Variants in INPP5B observed in about 807,000 individuals in gnomAD.
The protein encoded by INPP5B is inositol polyphosphate-5-phosphatase B, also known as type II inositol 1,4,5-trisphosphate 5-phosphatase.
INPP5B carries 90 observed loss-of-function variants against 118.5 expected under a neutral mutation model. That is an observed-to-expected ratio of 0.76 (90% CI 0.64 to 0.90). INPP5B has a LOEUF of 0.90. Ranked by LOEUF, INPP5B falls within the 40% of genes least tolerant of loss-of-function variation. The pLI is 0.00. For missense variants in INPP5B, 984 were observed against 1,125.6 expected, an observed-to-expected ratio of 0.87 and a Z score of 1.80; for synonymous variants, 385 against 418.9, an observed-to-expected ratio of 0.92 and a Z score of 0.99.
chr1:37,879,467 G>T, intron 15 of INPP5B, among the ~76,000 whole-genome samples: 1 of 151,746 alleles, frequency 6.6e-6, no homozygotes, highest in East Asian at 1.9e-4. Context: ...AAATAACAAG[G>T]GCATCAAATA....
At chr1:37,913,430 T>C (rs1161304703) in intron 7 of INPP5B, among the ~76,000 whole-genome samples, 1 of 152,152 alleles carries the variant, frequency 6.6e-6, no homozygotes, top group Non-Finnish European at 1.5e-5. Context: ...TCTAATTGGA[T>C]ATCCTGGGTC....
intron 14 of INPP5B, 73 bp downstream of exon 14, chr1:37,882,734 T>C: frequency 2.5e-6 from 3 of 1,187,782 alleles, no homozygotes; most frequent in Non-Finnish European, 3.7e-6. Flanking sequence ...GCTGCGAGTT[T>C]GGAAGCCAGG....
At chr1:37,944,485 A>G (rs1218552324) in intron 3 of INPP5B, among the ~76,000 whole-genome samples, 1 of 152,170 alleles carries the variant, frequency 6.6e-6, no homozygotes, top group Non-Finnish European at 1.5e-5. Flanking sequence ...CTTGAACTCA[A>G]GCAGTCCTCC....
chr1:37,946,385 G>A, intron 1 of INPP5B, 51 bp from the exon 2 acceptor site: 1 of 1,417,382 alleles, frequency 7.1e-7, no homozygotes, highest in South Asian at 1.2e-5. Context: ...TTACGCATGG[G>A]GTGGTGGAGC....
At chr1:37,903,406 C>G (rs1297604750) in intron 7 of INPP5B, among the ~76,000 whole-genome samples, 2 of 152,084 alleles carry the variant, frequency 1.3e-5, no homozygotes, top group Non-Finnish European at 2.9e-5. Flanking sequence ...ATAATCTACC[C>G]CTCGTTTAGC....
At chr1:37,945,116 A>G (rs1244109798) in intron 3 of INPP5B, among the ~76,000 whole-genome samples, 1 of 151,852 alleles carries the variant, frequency 6.6e-6, no homozygotes, top group Non-Finnish European at 1.5e-5. Flanking sequence ...GGTGACAGAA[A>G]GAGACCCCGT....
At chr1:37,900,381 A>T (rs1003429802) in intron 7 of INPP5B, among the ~76,000 whole-genome samples, 8 of 150,804 alleles carry the variant, frequency 5.3e-5, no homozygotes, top group Non-Finnish European at 1.0e-4. Flanking sequence ...CAGCCTCCTG[A>T]GTAGCTGGGA....
chr1:37,912,276 C>T (rs1164935840), intron 7 of INPP5B, among the ~76,000 whole-genome samples: 1 of 152,184 alleles, frequency 6.6e-6, no homozygotes, highest in Non-Finnish European at 1.5e-5. Context: ...CAGGATGCCC[C>T]ACCATTAGGT....
rs367679058 is a variant in INPP5B at position 37,883,356 on chromosome 1, G to C, written c.1320-438C>G. 3.2e-5 allele frequency: 32 copies of C among 985,426 alleles called. No individual in the cohort carries two copies. In the East Asian group the frequency reaches 1.1e-3, roughly 35 times the overall value. 61.0% of individuals were successfully genotyped at this position (985,426 alleles called of 1,614,324 possible). A position where few individuals can be genotyped will look rare whatever the true frequency, so the allele number is the denominator to read the frequency against. On this transcript the variant is annotated intron_variant, in intron 13 of 23. Coordinates refer to ENST00000373024, the MANE Select transcript of INPP5B (RefSeq NM_005540.3). ...AACACACTCTCAGCCTTTGTTTCTA[G>C]AGCAGAGTTCCTCTGAAACAAAGTT... is the stretch of plus-strand genomic sequence containing the variant.
At chr1:37,941,411 GC>G (rs918140211) in intron 5 of INPP5B, among the ~76,000 whole-genome samples, 4 of 152,100 alleles carry the variant, frequency 2.6e-5, no homozygotes, top group Non-Finnish European at 5.9e-5. Flanking sequence ...ACTTTGGGAG[GC>G]CAGGGCAGGA....
At chr1:37,930,313 GAA>G (rs1645403093) in intron 7 of INPP5B, 1 of 152,172 alleles carries the variant, frequency 6.6e-6, no homozygotes, top group South Asian at 2.1e-4. Flanking sequence ...GAAAGGAAAT[GAA>G]AGATTGAGAT....
At chr1:37,942,431 C>T (rs778346248) in intron 5 of INPP5B, among the ~76,000 whole-genome samples, 1 of 152,002 alleles carries the variant, frequency 6.6e-6, no homozygotes, top group Non-Finnish European at 1.5e-5. Context: ...GAGACTCTGT[C>T]TCAAACAAAA....
In INPP5B at chr1:37,943,878, C is replaced by G; in HGVS notation, c.168G>C (p.Thr56=). 2.5e-6 allele frequency: 4 copies of G among 1,613,506 alleles called. No homozygotes were observed. The highest frequency in any genetic ancestry group is 3.4e-6 in the Non-Finnish European group (4 of 1,179,546). The change falls in exon 4 of 24, where the codon ACG becomes ACC. Residue 56 remains threonine (T), a synonymous_variant. Transcript: ENST00000373024. ...GGQEHALFLY[T]HRRMAITGDD... The stretch of plus-strand genomic sequence containing the variant: ...CCCCGGTAATGGCCATCCTCCGGTG[C>G]GTATAGAGGAAGAGACTAAGGGCAG...
intron 7 of INPP5B, chr1:37,930,533 A>G (rs34354043): frequency 0.098 from 14,967 of 152,298 alleles, 898 homozygotes; most frequent in East Asian, 0.17. Context: ...GGGCAAGGAG[A>G]TGAGGTGCTC....
intron 7 of INPP5B, among the ~76,000 whole-genome samples, chr1:37,928,106 G>C (rs1471217345): frequency 6.6e-6 from 1 of 152,042 alleles, no homozygotes; most frequent in Non-Finnish European, 1.5e-5. Flanking sequence ...CGTATTATCA[G>C]ACCCCTCTCA....
At chr1:37,896,614 C>A (rs1287089266) in intron 7 of INPP5B, among the ~76,000 whole-genome samples, 1 of 140,692 alleles carries the variant, frequency 7.1e-6, no homozygotes, top group Admixed American at 6.9e-5. Flanking sequence ...GTCAGCCCCC[C>A]GCCCGGCCAG....
Position 37,933,943 on chromosome 1 carries a change from ATTTATTTT to A in INPP5B, c.392-1898_392-1891del, listed in dbSNP as rs1234300946. Among the ~76,000 whole-genome samples, 12 of 113,594 alleles carry A rather than the reference ATTTATTTT, an allele frequency of 1.1e-4. No homozygotes were observed. The East Asian group carries it at 2.5e-3, about 24-fold the overall frequency. 74.5% of individuals were successfully genotyped at this position (113,594 alleles called of 152,430 possible). ...TATTTATTTATTTATTTATTTATTT[ATTTATTTT>A]GGGACAAACTCTTGCTCTGTCGCCC... On this transcript the variant is annotated intron_variant, in intron 6 of 23. Transcript: ENST00000373024.
In INPP5B at chr1:37,861,963, GA is replaced by G. The variant is rs749173928; in HGVS notation, c.*351del. 1.5e-4 allele frequency: 28 copies of G among 180,934 alleles called. No individual in the cohort carries two copies. The highest frequency in any genetic ancestry group is 2.8e-4 in the Non-Finnish European group (24 of 85,670). 11.2% of individuals were successfully genotyped at this position (180,934 alleles called of 1,614,324 possible). On this transcript the variant is annotated 3_prime_UTR_variant, in exon 24 of 24. Coordinates refer to ENST00000373024, the MANE Select transcript of INPP5B (RefSeq NM_005540.3). ...AGGCAGGATAATTGCTTGCACCCAG[GA>G]GGCAGAGGTTGCAGTGAGCCGAGAT...
rs772306028 is a variant in INPP5B, at chr1:37,891,376, G to A, written c.611C>T (p.Pro204Leu). ...GCATTACCTTGGTTGCAAGCTTTCT[G>A]GTTTATCTTGACCCCTGGAGCTTTG... ...MDQSSRGQDK[P>L]ESLQPRQNKS... The change falls in exon 8 of 24, where the codon CCA becomes CTA. Residue 204 changes from proline (P) to leucine (L), a missense_variant. By Grantham distance (98) the Pro-to-Leu change is moderately conservative. Around this residue, in one of 2 missense-constraint regions of INPP5B, gnomAD observed 350 missense variants for 334.6 expected, o/e 1.05. Coordinates refer to ENST00000373024, the MANE Select transcript of INPP5B (RefSeq NM_005540.3). 1.2e-6 allele frequency: 2 copies of A among 1,613,842 alleles called. No individual in the cohort carries two copies. The highest frequency in any genetic ancestry group is 3.3e-5 in the Admixed American group (2 of 60,018).
Sources: allele counts gnomAD v4.1 joint callset (sites outside exome capture counted in the v4.1 genomes callset), GRCh38; gene constraint gnomAD v4.1.1; regional missense constraint gnomAD v4.1.1; transcripts MANE v1.5; gene names NCBI Gene and HGNC (gene_info 2026-07-23, HGNC 2026-07-21).